Variants in LCORL observed in about 807,000 individuals in gnomAD.
LCORL encodes ligand dependent nuclear receptor corepressor like, also known as ligand-dependent nuclear receptor corepressor-like protein.
In LCORL, 41 loss-of-function variants were observed where a neutral mutation model predicts 141.8. The ratio of observed to expected loss-of-function variants is 0.29; its 90% confidence interval spans 0.23 to 0.38. The LOEUF (loss-of-function observed/expected upper bound fraction) is 0.38. Ranked by LOEUF, LCORL falls within the 10% of genes least tolerant of loss-of-function variation. The pLI is 1.00. For synonymous variants in LCORL, 618 were observed against 694.1 expected, an observed-to-expected ratio of 0.89 and a Z score of 1.72; for missense variants, 1,759 against 2,035.0, an observed-to-expected ratio of 0.86 and a Z score of 2.61.
exon 7 of LCORL, chr4:17,875,778 T>C: frequency 2.4e-6 from 3 of 1,231,234 alleles, no homozygotes; most frequent in Non-Finnish European, 3.0e-6. Flanking sequence ...AAAAGATGGA[T>C]CAGTAGCACT....
intron 1 of LCORL, among the ~76,000 whole-genome samples, chr4:18,003,844 C>T (rs1218483139): frequency 3.9e-5 from 6 of 152,268 alleles, no homozygotes; most frequent in Admixed American, 3.9e-4. Flanking sequence ...TTCAACATAT[C>T]ACATAAAAAT....
chr4:17,992,471 T>C (rs1720195708), intron 1 of LCORL, among the ~76,000 whole-genome samples: 1 of 152,240 alleles, frequency 6.6e-6, no homozygotes, highest in South Asian at 2.1e-4. Context: ...ATCTGATGGC[T>C]ACAAATTTAA....
At chr4:17,939,699 AAGT>A (rs1262628865) in intron 4 of LCORL, among the ~76,000 whole-genome samples, 2 of 152,192 alleles carry the variant, frequency 1.3e-5, no homozygotes, top group African/African-American at 4.8e-5. Flanking sequence ...TTTAAAAGCA[AAGT>A]AAGTTTAGTT....
intron 1 of LCORL, among the ~76,000 whole-genome samples, chr4:17,988,767 T>C (rs1202020296): frequency 6.6e-6 from 1 of 152,118 alleles, no homozygotes; most frequent in East Asian, 1.9e-4. Flanking sequence ...GGTGGATCAC[T>C]TGAGGTCAGG....
At chr4:17,973,374 A>G (rs1716341236) in intron 1 of LCORL, among the ~76,000 whole-genome samples, 1 of 151,916 alleles carries the variant, frequency 6.6e-6, no homozygotes, top group African/African-American at 2.4e-5. Context: ...GTAAAAATCA[A>G]AACACAACAA....
chr4:17,959,147 A>G (rs1713280722), intron 4 of LCORL, among the ~76,000 whole-genome samples: 1 of 152,030 alleles, frequency 6.6e-6, no homozygotes, highest in Non-Finnish European at 1.5e-5. Context: ...ATTTATTATT[A>G]AGCACTATAA....
chr4:18,004,874 AC>A (rs1722537827), intron 1 of LCORL, among the ~76,000 whole-genome samples: 1 of 152,158 alleles, frequency 6.6e-6, no homozygotes, highest in African/African-American at 2.4e-5. Flanking sequence ...ATTGGCAAAA[AC>A]AAAGGGGCTA....
chr4:17,890,918 CA>C (rs889900868), intron 5 of LCORL, among the ~76,000 whole-genome samples: 2 of 152,076 alleles, frequency 1.3e-5, no homozygotes, highest in Non-Finnish European at 2.9e-5. Context: ...AGGATCTATT[CA>C]AAAAGGACAA....
intron 4 of LCORL, among the ~76,000 whole-genome samples, chr4:17,947,437 C>A (rs556144774): frequency 6.6e-6 from 1 of 151,718 alleles, no homozygotes; most frequent in African/African-American, 2.4e-5. Flanking sequence ...TCAAAGGGTA[C>A]ACAATCTCAA....
At chr4:17,879,233 G>C (rs1047229637) in intron 6 of LCORL, among the ~76,000 whole-genome samples, 2 of 151,196 alleles carry the variant, frequency 1.3e-5, no homozygotes, top group East Asian at 1.9e-4. Context: ...CTTTAAAACA[G>C]GAAGTGGAAT....
exon 3 of LCORL, chr4:17,963,004 C>T (rs1714149013): frequency 6.3e-7 from 1 of 1,596,938 alleles, no homozygotes; most frequent in Non-Finnish European, 8.5e-7. Context: ...ACAAAATGAA[C>T]ATTTTTCATC....
chr4:17,985,718 T>C (rs1718838038), intron 1 of LCORL, among the ~76,000 whole-genome samples: 2 of 152,184 alleles, frequency 1.3e-5, no homozygotes, highest in Admixed American at 1.3e-4. Context: ...TTTATCCAGA[T>C]TGCTACTCTC....
Position 18,016,292 on chromosome 4 carries a change from G to A in LCORL, c.154+5306C>T, listed in dbSNP as rs189591035. ...CCAATTTACAGATTAAGAAACTAAA[G>A]TATAGACAGGTTAAGCTATTTGACC... On this transcript the variant is annotated intron_variant, in intron 1 of 7. Transcript: ENST00000635767. 2.6e-4 allele frequency among the ~76,000 whole-genome samples: 40 copies of A among 152,266 alleles called. 1 individual carries two copies. The East Asian group carries it at 5.8e-3, about 22-fold the overall frequency.
At chr4:17,864,555 C>A (rs1725413814) in intron 7 of LCORL, among the ~76,000 whole-genome samples, 1 of 152,198 alleles carries the variant, frequency 6.6e-6, no homozygotes, top group East Asian at 1.9e-4. Flanking sequence ...ATAAAACACA[C>A]TGTATTGATC....
exon 7 of LCORL, chr4:17,874,993 C>T: frequency 3.2e-6 from 4 of 1,233,664 alleles, no homozygotes; most frequent in Non-Finnish European, 4.1e-6. Flanking sequence ...GGTTTTCTAT[C>T]CCTAATAGAA....
At position 18,021,657 on chromosome 4, in the gene LCORL, T is replaced by C; in HGVS notation, c.95A>G (p.Glu32Gly). The change falls in exon 1 of 8, where the codon GAG becomes GGG. Residue 32 changes from glutamate (E) to glycine (G), a missense_variant. By Grantham distance (98) the Glu-to-Gly change is moderately conservative. Around this residue, in one of 5 missense-constraint regions of LCORL, gnomAD observed 86 missense variants for 61.8 expected, o/e 1.39. Transcript: ENST00000635767. The surrounding 1 kb of genome is among the most constrained non-coding windows in gnomAD (Gnocchi z 5.5). ...GAGTTCCCGCCGGAATCCTCTTCTC[T>C]CCGCCGCGCACCGAGGGCTCCGGCA... The C allele has an allele frequency of 1.3e-6, 2 of 1,545,566 alleles. No individual in the cohort carries two copies. Among genetic ancestry groups the C allele is most frequent in the African/African-American group, 1.4e-5 (1 of 72,094 alleles).
chr4:17,940,925 A>T (rs1370718614), intron 4 of LCORL, among the ~76,000 whole-genome samples: 1 of 152,218 alleles, frequency 6.6e-6, no homozygotes, highest in Admixed American at 6.5e-5. Flanking sequence ...TGCTGATTTT[A>T]AGTTGCAATT....
chr4:17,873,632 T>G, exon 7 of LCORL: 2 of 1,233,968 alleles, frequency 1.6e-6, no homozygotes, highest in Non-Finnish European at 2.0e-6. Context: ...TTTCTTTAGA[T>G]TGCTTTTTAA....
exon 8 of LCORL, chr4:17,842,189 A>C (rs1434428278): frequency 4.5e-5 from 34 of 747,296 alleles, no homozygotes; most frequent in Middle Eastern, 2.4e-4. Context: ...AACAAGTAGG[A>C]GATACATGTG....
Sources: allele counts gnomAD v4.1 joint callset (sites outside exome capture counted in the v4.1 genomes callset), GRCh38; gene constraint gnomAD v4.1.1; regional missense constraint gnomAD v4.1.1; non-coding constraint Gnocchi (gnomAD v3.1); transcripts MANE v1.5; gene names NCBI Gene and HGNC (gene_info 2026-07-23, HGNC 2026-07-21).